The following RBMS1 variants were observed in gnomAD, a reference collection of about 807,000 sequenced individuals.
RBMS1 encodes RNA-binding motif, single-stranded-interacting protein 1.
Under a neutral mutation model 62.3 loss-of-function variants are expected in RBMS1, and 17 were observed. That is an observed-to-expected ratio of 0.27 (90% confidence interval 0.19 to 0.41). RBMS1 has a LOEUF of 0.41. RBMS1 is among the 10% of genes least tolerant of loss of function. The pLI, the probability that RBMS1 is intolerant of heterozygous loss-of-function variation, is 1.00. For synonymous variants in RBMS1, 172 were observed against 170.0 expected, an observed-to-expected ratio of 1.01 and a Z score of -0.09; for missense variants, 334 against 504.5, an observed-to-expected ratio of 0.66 and a Z score of 3.24.
At chr2:160,389,299 G>A (rs1047569959) in intron 1 of RBMS1, among the ~76,000 whole-genome samples, 1 of 152,212 alleles carries the variant, frequency 6.6e-6, no homozygotes, top group Non-Finnish European at 1.5e-5. Context: ...TGCAAAATAT[G>A]CATGAAATAC....
chr2:160,411,179 G>A (rs1696016072), intron 1 of RBMS1, among the ~76,000 whole-genome samples: 1 of 152,192 alleles, frequency 6.6e-6, no homozygotes, highest in Non-Finnish European at 1.5e-5. Context: ...AGTGACCTAT[G>A]ACCTGGCTGG....
intron 1 of RBMS1, among the ~76,000 whole-genome samples, chr2:160,417,824 T>C (rs1696263998): frequency 6.6e-6 from 1 of 152,240 alleles, no homozygotes; most frequent in Admixed American, 6.5e-5. Context: ...TCATTTTTAA[T>C]CTTCCTAAGA....
At chr2:160,485,738 T>G (rs1685573593) in intron 1 of RBMS1, among the ~76,000 whole-genome samples, 1 of 151,750 alleles carries the variant, frequency 6.6e-6, no homozygotes, top group African/African-American at 2.4e-5. Flanking sequence ...TATTGTTTTT[T>G]AAATAGAAGT....
Position 160,493,464 on chromosome 2 carries a change from G to A in RBMS1, c.-101C>T, listed in dbSNP as rs1045332480. ...CCTTTCCGGCGGCGGCGGCAGCGGC[G>A]GCGGCGGCGGCGGCTGCTGCTGCTG... is the stretch of plus-strand genomic sequence containing the variant. On this transcript the variant is annotated 5_prime_UTR_variant, in exon 1 of 14. Coordinates refer to ENST00000348849, the MANE Select transcript of RBMS1 (RefSeq NM_016836.4). 4.9e-6 allele frequency: 5 copies of A among 1,021,366 alleles called. No homozygotes were observed. The highest frequency in any genetic ancestry group is 3.2e-5 in the African/African-American group (2 of 62,002). 63.3% of individuals were successfully genotyped at this position (1,021,366 alleles called of 1,614,324 possible).
In RBMS1 at chr2:160,300,635, C is replaced by A; in HGVS notation, c.640+16G>T. On this transcript the variant is annotated intron_variant, in intron 6 of 13. Coordinates refer to ENST00000348849, the MANE Select transcript of RBMS1 (RefSeq NM_016836.4). Reference sequence around the variant, plus strand: ...ATATAGAAGACTACTGATGAAGTTTCAGACAAACAACATACCAGAAACTCC... The same window carrying A: ...ATATAGAAGACTACTGATGAAGTTTAAGACAAACAACATACCAGAAACTCC... 6.3e-7 allele frequency: 1 copy of A among 1,583,674 alleles called. No homozygotes were observed. The highest frequency in any genetic ancestry group is 8.6e-7 in the Non-Finnish European group (1 of 1,168,504).
At chr2:160,357,797 A>G (rs930860637) in intron 2 of RBMS1, among the ~76,000 whole-genome samples, 1 of 152,136 alleles carries the variant, frequency 6.6e-6, no homozygotes, top group African/African-American at 2.4e-5. Context: ...GCCACCCCCT[A>G]AGAAGACAAA....
chr2:160,367,556 C>T (rs1311179961), intron 1 of RBMS1, 165 bp from the exon 2 acceptor site: 3 of 1,265,640 alleles, frequency 2.4e-6, no homozygotes, highest in Non-Finnish European at 3.1e-6. Context: ...TAAAAAAGCC[C>T]TCTCCTTCAA....
intron 1 of RBMS1, among the ~76,000 whole-genome samples, chr2:160,406,422 G>A (rs1447425244): frequency 1.3e-5 from 2 of 152,224 alleles, no homozygotes; most frequent in Non-Finnish European, 1.5e-5. Flanking sequence ...AGAGAGCCAC[G>A]GTCTGCATGG....
At chr2:160,406,113 A>G (rs1362791694) in intron 1 of RBMS1, among the ~76,000 whole-genome samples, 1 of 152,222 alleles carries the variant, frequency 6.6e-6, no homozygotes, top group Non-Finnish European at 1.5e-5. Context: ...TTAATTAATT[A>G]AAGGAAAGAA....
intron 2 of RBMS1, among the ~76,000 whole-genome samples, chr2:160,332,430 G>C (rs1466556998): frequency 6.6e-6 from 1 of 151,438 alleles, no homozygotes. Flanking sequence ...ATCCACATAA[G>C]AGAAAAAAAA....
chr2:160,455,723 G>A (rs1347098202), intron 1 of RBMS1, among the ~76,000 whole-genome samples: 3 of 130,584 alleles, frequency 2.3e-5, no homozygotes, highest in African/African-American at 9.0e-5. Flanking sequence ...TCGCTCTGTC[G>A]CCCAGGCTGG....
intron 1 of RBMS1, among the ~76,000 whole-genome samples, chr2:160,476,982 T>C (rs1685168880): frequency 6.6e-6 from 1 of 152,248 alleles, no homozygotes; most frequent in Non-Finnish European, 1.5e-5. Context: ...TGCTATGCCT[T>C]TTCTTTCCTG....
chr2:160,307,382 A>AAAAG (rs1247785834), intron 4 of RBMS1, among the ~76,000 whole-genome samples: 1 of 150,120 alleles, frequency 6.7e-6, no homozygotes, highest in African/African-American at 2.5e-5. Context: ...AAAAAAAAAA[A>AAAAG]GTGTAAACTT....
At chr2:160,385,252 C>T (rs1439526934) in intron 1 of RBMS1, among the ~76,000 whole-genome samples, 1 of 152,148 alleles carries the variant, frequency 6.6e-6, no homozygotes, top group Non-Finnish European at 1.5e-5. Context: ...AGGGCTCCGC[C>T]GAGGGCACAC....
At chr2:160,483,656 G>C (rs1395065746) in intron 1 of RBMS1, among the ~76,000 whole-genome samples, 1 of 152,274 alleles carries the variant, frequency 6.6e-6, no homozygotes, top group East Asian at 1.9e-4. Flanking sequence ...TAGCTTATAC[G>C]ATGGTCACAC....
intron 10 of RBMS1, among the ~76,000 whole-genome samples, chr2:160,280,077 G>GCAGTTTCCTGCTCCTTTTTCTCATT (rs1688025413): frequency 1.3e-5 from 2 of 152,188 alleles, no homozygotes; most frequent in South Asian, 4.1e-4. Context: ...AGATGGTGGA[G>GCAGTTTCCTGCTCCTTTTTCTCATT]CAGTTTCCTG....
chr2:160,397,291 G>A (rs928433603), intron 1 of RBMS1, among the ~76,000 whole-genome samples: 3 of 151,812 alleles, frequency 2.0e-5, no homozygotes, highest in African/African-American at 7.3e-5. Context: ...TATAGAATCT[G>A]AACAGACAAC....
At chr2:160,279,195 T>C (rs572996862) in intron 10 of RBMS1, 2 of 152,396 alleles carry the variant, frequency 1.3e-5, no homozygotes, top group South Asian at 4.1e-4. Context: ...CAAGAGCACA[T>C]TTCTTCATTC....
intron 3 of RBMS1, among the ~76,000 whole-genome samples, chr2:160,317,443 C>G (rs1302066424): frequency 6.6e-6 from 1 of 152,086 alleles, no homozygotes; most frequent in African/African-American, 2.4e-5. Flanking sequence ...AATCACATGC[C>G]TATTGTTAAG....
Sources: gnomAD v4.1 joint callset for allele counts (sites outside exome capture counted in the v4.1 genomes callset) on GRCh38, gnomAD v4.1.1 for gene constraint, MANE v1.5 for transcripts, NCBI Gene and HGNC (gene_info 2026-07-23, HGNC 2026-07-21) for gene names.